Variants in LRRIQ1 observed in about 807,000 individuals in gnomAD.
LRRIQ1 encodes leucine-rich repeat- and IQ domain-containing protein 1.
In LRRIQ1, 210 loss-of-function variants were observed where a neutral mutation model predicts 211.9. The observed-to-expected ratio is 0.99, with a 90% confidence interval of 0.89 to 1.11. The LOEUF (loss-of-function observed/expected upper bound fraction) is 1.11, where lower values mean the gene tolerates loss of function less well. LRRIQ1 is among the 50% of genes most tolerant of loss of function. The pLI, the probability that LRRIQ1 is intolerant of heterozygous loss-of-function variation, is 0.00. For missense variants in LRRIQ1, 2,136 were observed against 1,939.5 expected, an observed-to-expected ratio of 1.10 and a Z score of -1.90; for synonymous variants, 699 against 650.1, an observed-to-expected ratio of 1.08 and a Z score of -1.14.
intron 14 of LRRIQ1, among the ~76,000 whole-genome samples, chr12:85,105,319 C>T (rs1473281785): frequency 6.6e-6 from 1 of 151,976 alleles, no homozygotes; most frequent in African/African-American, 2.4e-5. Flanking sequence ...TTTGTACTTT[C>T]AGTTTTTTAC....
chr12:85,248,825 A>C (rs990041062), downstream of LRRIQ1, among the ~76,000 whole-genome samples: 3 of 151,676 alleles, frequency 2.0e-5, no homozygotes, highest in Non-Finnish European at 4.4e-5. Flanking sequence ...TTTAAGCAAA[A>C]GTAAAGGATA....
intron 1 of LRRIQ1, among the ~76,000 whole-genome samples, chr12:85,251,376 A>T (rs1895938951): frequency 6.6e-6 from 1 of 152,062 alleles, no homozygotes; most frequent in South Asian, 2.1e-4. Context: ...TGACTAATAA[A>T]GTATAATATA....
intron 15 of LRRIQ1, among the ~76,000 whole-genome samples, chr12:85,111,514 A>G (rs1479821925): frequency 1.1e-4 from 16 of 152,132 alleles, no homozygotes; most frequent in Non-Finnish European, 1.5e-5. Flanking sequence ...AAAGAACATC[A>G]GCCAACACTA....
chr12:85,092,253 A>T (rs1885469213), intron 11 of LRRIQ1, among the ~76,000 whole-genome samples: 2 of 152,228 alleles, frequency 1.3e-5, no homozygotes. Flanking sequence ...TATGGTGTCA[A>T]GAGAGTTGAT....
Position 85,052,212 on chromosome 12 carries a change from A to G in LRRIQ1, c.714A>G (p.Lys238=). 1 of 1,564,790 alleles carries G rather than the reference A, an allele frequency of 6.4e-7. No individual in the cohort carries two copies. The highest frequency in any genetic ancestry group is 2.3e-5 in the East Asian group (1 of 43,594). ...ACAAGATGAATGATGAACTCTATAAAGAAGAGAAAATTTGGAAAGAGAAAT... is the reference window on the plus strand; with the variant it reads ...ACAAGATGAATGATGAACTCTATAAGGAAGAGAAAATTTGGAAAGAGAAAT... ...EQDKMNDELY[K]EEKIWKEKFK... Residue 238 remains lysine, a synonymous_variant, in exon 7 of 27, where the codon AAA becomes AAG. Coordinates refer to ENST00000393217, the MANE Select transcript of LRRIQ1 (RefSeq NM_001079910.2).
intron 8 of LRRIQ1, among the ~76,000 whole-genome samples, chr12:85,059,869 C>G (rs1881584841): frequency 6.6e-6 from 1 of 151,826 alleles, no homozygotes; most frequent in Non-Finnish European, 1.5e-5. Flanking sequence ...AAAAAAAGAA[C>G]TGCAATTGAA....
At chr12:85,102,959 A>AAAAATATATAT (rs1458673370) in intron 13 of LRRIQ1, among the ~76,000 whole-genome samples, 1 of 108,500 alleles carries the variant, frequency 9.2e-6, no homozygotes, top group African/African-American at 4.2e-5. Flanking sequence ...AAAAAAAAAA[A>AAAAATATATAT]ATATATATAT....
intron 24 of LRRIQ1, among the ~76,000 whole-genome samples, chr12:85,225,446 G>A (rs990559997): frequency 6.6e-6 from 1 of 152,168 alleles, no homozygotes; most frequent in African/African-American, 2.4e-5. Flanking sequence ...AATGGTGGTT[G>A]CAGATTGTCT....
intron 11 of LRRIQ1, among the ~76,000 whole-genome samples, chr12:85,093,038 A>G (rs1885548185): frequency 6.6e-6 from 1 of 152,212 alleles, no homozygotes; most frequent in African/African-American, 2.4e-5. Flanking sequence ...TCACCATGGT[A>G]CACAATCCAG....
intron 19 of LRRIQ1, among the ~76,000 whole-genome samples, chr12:85,144,915 T>C (rs1889786342): frequency 6.6e-6 from 1 of 151,612 alleles, no homozygotes; most frequent in African/African-American, 2.4e-5. Context: ...GATGATGTAA[T>C]TGAATTGTTT....
In LRRIQ1 at chr12:85,121,790, A is replaced by G; in HGVS notation, c.3471A>G (p.Gln1157=). 2 of 1,608,874 alleles carry G rather than the reference A, an allele frequency of 1.2e-6. No individual in the cohort carries two copies. Among genetic ancestry groups the G allele is most frequent in the Non-Finnish European group, 1.7e-6 (2 of 1,177,536 alleles). The change falls in exon 16 of 27, where the codon CAA becomes CAG. Residue 1157 remains glutamine (Q), a synonymous_variant. Coordinates refer to ENST00000393217, the MANE Select transcript of LRRIQ1 (RefSeq NM_001079910.2). ...AAAGCCGCACTGAAGAACACAATCA[A>G]CTGGGATCAGCAGGTTTCCTGGCAC... is the stretch of plus-strand genomic sequence containing the variant. ...NSESRTEEHN[Q]LGSAGFLALC...
At chr12:85,157,923 A>G (rs1365347399) in intron 23 of LRRIQ1, among the ~76,000 whole-genome samples, 1 of 151,940 alleles carries the variant, frequency 6.6e-6, no homozygotes, top group Non-Finnish European at 1.5e-5. Flanking sequence ...GGCTATAGCA[A>G]AGCCATCAGA....
At chr12:85,267,129 G>C (rs529273342), downstream of LRRIQ1, among the ~76,000 whole-genome samples, 7 of 152,070 alleles carry the variant, frequency 4.6e-5, no homozygotes, top group Admixed American at 3.9e-4. Context: ...TCCCACAAAC[G>C]CTATAATAGA....
intron 24 of LRRIQ1, among the ~76,000 whole-genome samples, chr12:85,170,412 G>A (rs973680813): frequency 2.7e-5 from 4 of 150,622 alleles, no homozygotes; most frequent in Non-Finnish European, 5.9e-5. Flanking sequence ...AACAAAATAA[G>A]GAGTCATATA....
intron 8 of LRRIQ1, among the ~76,000 whole-genome samples, chr12:85,059,499 G>A (rs1881529563): frequency 6.6e-6 from 1 of 151,940 alleles, no homozygotes; most frequent in African/African-American, 2.4e-5. Flanking sequence ...CTGACATTGT[G>A]AGAAATGATC....
chr12:85,148,913 T>A (rs1002872007), intron 19 of LRRIQ1, among the ~76,000 whole-genome samples: 1 of 152,062 alleles, frequency 6.6e-6, no homozygotes, highest in Non-Finnish European at 1.5e-5. Context: ...ATGTTGAACT[T>A]TTTTTTATAT....
intron 8 of LRRIQ1, among the ~76,000 whole-genome samples, chr12:85,059,085 C>T (rs1881478703): frequency 6.6e-6 from 1 of 151,916 alleles, no homozygotes; most frequent in Non-Finnish European, 1.5e-5. Context: ...TCTTTATTCA[C>T]CACTGTTACT....
chr12:85,203,865 CGAG>C (rs1173270221), intron 24 of LRRIQ1, among the ~76,000 whole-genome samples: 3 of 152,034 alleles, frequency 2.0e-5, no homozygotes, highest in Admixed American at 6.6e-5. Context: ...TCCCATTTTC[CGAG>C]GAGAAGGTCA....
intron 26 of LRRIQ1, among the ~76,000 whole-genome samples, chr12:85,238,145 G>A (rs1895277582): frequency 6.6e-6 from 1 of 151,348 alleles, no homozygotes; most frequent in Non-Finnish European, 1.5e-5. Context: ...AATAATGGCT[G>A]GACTTAATAA....
Sources: allele counts gnomAD v4.1 joint callset (sites outside exome capture counted in the v4.1 genomes callset), GRCh38; gene constraint gnomAD v4.1.1; transcripts MANE v1.5; gene names NCBI Gene and HGNC (gene_info 2026-07-23, HGNC 2026-07-21).